Variants in RNF180 observed in about 807,000 individuals in gnomAD.
RNF180 encodes the protein E3 ubiquitin-protein ligase RNF180.
In RNF180, 38 loss-of-function variants were observed where a neutral mutation model predicts 59.2. The ratio of observed to expected loss-of-function variants is 0.64; its 90% CI spans 0.50 to 0.84. RNF180 has a LOEUF of 0.84. RNF180 is among the 40% of genes least tolerant of loss of function. RNF180 has a pLI of 0.00. For missense variants in RNF180, 705 were observed against 700.9 expected (o/e 1.01, Z -0.07); for synonymous variants, 262 against 240.3 (o/e 1.09, Z -0.84).
At chr5:64,282,472 A>T (rs1445836803) in intron 5 of RNF180, among the ~76,000 whole-genome samples, 2 of 152,172 alleles carry the variant, frequency 1.3e-5, no homozygotes, top group Non-Finnish European at 2.9e-5. Context: ...AATCTTCCAT[A>T]TTCTTTCAAA....
intron 5 of RNF180, among the ~76,000 whole-genome samples, chr5:64,267,184 C>T (rs1744727850): frequency 6.6e-6 from 1 of 151,918 alleles, no homozygotes; most frequent in Non-Finnish European, 1.5e-5. Flanking sequence ...TCGCCCAGAC[C>T]ATGGTTTCTT....
intron 5 of RNF180, among the ~76,000 whole-genome samples, chr5:64,249,292 C>T (rs1743408561): frequency 6.6e-6 from 1 of 151,998 alleles, no homozygotes; most frequent in Non-Finnish European, 1.5e-5. Context: ...AACTTAAAGA[C>T]AGAGAGGATT....
chr5:64,267,617 C>T (rs982979907), intron 5 of RNF180, among the ~76,000 whole-genome samples: 2 of 150,088 alleles, frequency 1.3e-5, no homozygotes, highest in Non-Finnish European at 3.0e-5. Context: ...GTTTTTTGTT[C>T]TTGAGATAGT....
chr5:64,296,377 C>T (rs947309171), intron 5 of RNF180, among the ~76,000 whole-genome samples: 1 of 152,050 alleles, frequency 6.6e-6, no homozygotes, highest in Non-Finnish European at 1.5e-5. Context: ...TAAATATGCT[C>T]AATTTGACAT....
chr5:64,318,011 A>C (rs1383287987), intron 5 of RNF180, among the ~76,000 whole-genome samples: 1 of 152,222 alleles, frequency 6.6e-6, no homozygotes. Flanking sequence ...AGTAAAAAAC[A>C]GAATGGATCA....
intron 1 of RNF180, among the ~76,000 whole-genome samples, chr5:64,171,134 G>C (rs962006782): frequency 2.0e-5 from 3 of 152,208 alleles, no homozygotes; most frequent in Non-Finnish European, 4.4e-5. Flanking sequence ...AAGAGCCAGA[G>C]ACAGAATTTT....
chr5:64,293,820 CA>C lies in RNF180; in HGVS notation c.1228-31365del, dbSNP rs1457524136. Reference sequence around the variant, plus strand: ...CAGCTTTATCCTAACTTGTGAACTTCAGTTAAATCTTAGTGTATATTCCGTA... The same window carrying C: ...CAGCTTTATCCTAACTTGTGAACTTCGTTAAATCTTAGTGTATATTCCGTA... On this transcript the variant is annotated intron_variant, in intron 5 of 7. Transcript: ENST00000389100. 4.6e-5 allele frequency among the ~76,000 whole-genome samples: 7 copies of C among 152,176 alleles called. No homozygotes were observed. In the South Asian group the frequency reaches 1.0e-3, roughly 23 times the overall value.
intron 7 of RNF180, among the ~76,000 whole-genome samples, chr5:64,335,969 C>T (rs1376562547): frequency 1.3e-5 from 2 of 152,076 alleles, no homozygotes; most frequent in African/African-American, 4.8e-5. Flanking sequence ...ATAAATATCT[C>T]GCACATCTTT....
At chr5:64,240,109 T>C (rs576218218) in intron 5 of RNF180, among the ~76,000 whole-genome samples, 38 of 152,304 alleles carry the variant, frequency 2.5e-4, no homozygotes, top group African/African-American at 8.4e-4. Context: ...GTTCCCCATG[T>C]CCTTCTTCTG....
intron 7 of RNF180, among the ~76,000 whole-genome samples, chr5:64,360,276 A>G (rs1383958165): frequency 6.6e-6 from 1 of 151,836 alleles, no homozygotes; most frequent in Non-Finnish European, 1.5e-5. Flanking sequence ...AAATCAATAA[A>G]TGTAATCCAG....
intron 7 of RNF180, among the ~76,000 whole-genome samples, chr5:64,335,633 A>G (rs777806243): frequency 2.0e-4 from 30 of 152,098 alleles, no homozygotes; most frequent in South Asian, 6.2e-4. Flanking sequence ...GTCCATTGGT[A>G]TAATTTTTTA....
intron 5 of RNF180, 172 bp downstream of exon 5, chr5:64,217,568 C>T: frequency 9.7e-7 from 1 of 1,036,182 alleles, no homozygotes. Flanking sequence ...ACAGTTGTAT[C>T]ACATCATGAC....
At chr5:64,271,726 C>T (rs918797760) in intron 5 of RNF180, among the ~76,000 whole-genome samples, 10 of 152,022 alleles carry the variant, frequency 6.6e-5, no homozygotes, top group Admixed American at 2.6e-4. Context: ...TAATATATCT[C>T]AAGATTATTT....
chr5:64,353,853 AAC>A (rs1745914196), intron 7 of RNF180, among the ~76,000 whole-genome samples: 1 of 151,802 alleles, frequency 6.6e-6, no homozygotes, highest in South Asian at 2.1e-4. Context: ...GAAATTAAAA[AAC>A]ACACTCAAAC....
In RNF180 at chr5:64,315,214, G is replaced by A. The variant is rs183053813; in HGVS notation, c.1228-9972G>A. ...GTCATTAAGTATTGGGAATCTGTAA[G>A]CAAAAACAAATTTTACAAACTTCTG... is the stretch of plus-strand genomic sequence containing the variant. On this transcript the variant is annotated intron_variant, in intron 5 of 7. Transcript: ENST00000389100. 9.2e-5 allele frequency among the ~76,000 whole-genome samples: 14 copies of A among 152,256 alleles called. 1 individual carries two copies. The South Asian group carries it at 1.2e-3, about 14-fold the overall frequency.
chr5:64,226,250 G>A (rs1291108454), intron 5 of RNF180, among the ~76,000 whole-genome samples: 3 of 152,138 alleles, frequency 2.0e-5, no homozygotes, highest in African/African-American at 7.2e-5. Flanking sequence ...GGAAAAGAAA[G>A]ATCAGATTGT....
At chr5:64,245,111 A>C (rs1246614373) in intron 5 of RNF180, among the ~76,000 whole-genome samples, 1 of 152,156 alleles carries the variant, frequency 6.6e-6, no homozygotes, top group Non-Finnish European at 1.5e-5. Context: ...GAATGGAAAA[A>C]CTGGTACCAG....
At chr5:64,311,257 T>G (rs1743749941) in intron 5 of RNF180, among the ~76,000 whole-genome samples, 1 of 151,934 alleles carries the variant, frequency 6.6e-6, no homozygotes, top group Admixed American at 6.6e-5. Flanking sequence ...CTCTTTGGGA[T>G]AGAGGAAGTA....
chr5:64,364,947 G>T (rs543189568), intron 7 of RNF180, among the ~76,000 whole-genome samples: 2 of 150,376 alleles, frequency 1.3e-5, no homozygotes, highest in African/African-American at 4.9e-5. Flanking sequence ...TGTTTACTTG[G>T]ATCTTCTCTT....
Sources: gnomAD v4.1 joint callset for allele counts (sites outside exome capture counted in the v4.1 genomes callset) on GRCh38, gnomAD v4.1.1 for gene constraint, MANE v1.5 for transcripts, NCBI Gene and HGNC (gene_info 2026-07-23, HGNC 2026-07-21) for gene names.